FTO: variants seen among roughly 807,000 people sequenced by gnomAD.
FTO encodes alpha-ketoglutarate-dependent dioxygenase FTO.
In FTO, 47 loss-of-function variants were observed where a neutral mutation model predicts 63.9. The ratio of observed to expected loss-of-function variants is 0.74; its 90% confidence interval spans 0.58 to 0.94. The LOEUF is 0.94. Ranked by LOEUF, FTO falls within the 40% of genes least tolerant of loss-of-function variation. The pLI is 0.00. For synonymous variants in FTO, 207 were observed against 224.4 expected (o/e 0.92, Z 0.69); for missense variants, 562 against 618.1 (o/e 0.91, Z 0.96).
intron 1 of FTO, among the ~76,000 whole-genome samples, chr16:53,791,315 C>T (rs1333234759): frequency 1.3e-5 from 2 of 152,202 alleles, no homozygotes; most frequent in Non-Finnish European, 2.9e-5. Context: ...CAAGGTCACA[C>T]AGTAACCTTA....
intron 3 of FTO, among the ~76,000 whole-genome samples, chr16:53,834,791 G>T (rs757147694): frequency 1.3e-5 from 2 of 151,898 alleles, no homozygotes; most frequent in Non-Finnish European, 2.9e-5. Flanking sequence ...AATGCTTTTG[G>T]TAGTTGATAA....
intron 8 of FTO, among the ~76,000 whole-genome samples, chr16:53,960,179 G>A (rs375896109): frequency 1.3e-5 from 2 of 152,250 alleles, no homozygotes; most frequent in South Asian, 2.1e-4. Flanking sequence ...CATAGTTTGA[G>A]AGTCTCAAAA....
At chr16:53,951,484 C>T (rs531398921) in intron 8 of FTO, among the ~76,000 whole-genome samples, 3 of 152,158 alleles carry the variant, frequency 2.0e-5, no homozygotes, top group Non-Finnish European at 4.4e-5. Context: ...GTGAAATGTG[C>T]CAAGGCCTAG....
At chr16:53,786,716 G>T (rs546338783) in intron 1 of FTO, among the ~76,000 whole-genome samples, 1 of 152,210 alleles carries the variant, frequency 6.6e-6, no homozygotes, top group Admixed American at 6.5e-5. Context: ...CAAATAGCTG[G>T]TACCCTGAAG....
intron 8 of FTO, among the ~76,000 whole-genome samples, chr16:54,091,961 A>G (rs576816620): frequency 3.5e-4 from 54 of 152,336 alleles, no homozygotes; most frequent in African/African-American, 1.2e-3. Context: ...AAATGTTGGC[A>G]ATTAACAATT....
intron 8 of FTO, among the ~76,000 whole-genome samples, chr16:53,967,529 A>G (rs1177715184): frequency 2.0e-5 from 3 of 152,202 alleles, no homozygotes; most frequent in Non-Finnish European, 4.4e-5. Flanking sequence ...CAAAGTTTAC[A>G]TATAACCTAG....
At chr16:54,099,859 G>C (rs200296584) in intron 8 of FTO, among the ~76,000 whole-genome samples, 10 of 152,120 alleles carry the variant, frequency 6.6e-5, no homozygotes, top group African/African-American at 2.4e-4. Context: ...CCAAGTTGCC[G>C]CTCTACAGGA....
chr16:53,826,551 G>A (rs2095105590), intron 3 of FTO, 60 bp downstream of exon 3: 2 of 1,545,858 alleles, frequency 1.3e-6, no homozygotes, highest in Non-Finnish European at 8.9e-7. Context: ...GAGTTGTTTA[G>A]GCTCTGGAGA....
chr16:53,970,063 T>G (rs185984619), intron 8 of FTO, among the ~76,000 whole-genome samples: 1 of 152,280 alleles, frequency 6.6e-6, no homozygotes, highest in Non-Finnish European at 1.5e-5. Context: ...ATGGTTCTTT[T>G]GTTGATAAGA....
At chr16:53,776,825 A>G (rs886088906) in intron 1 of FTO, among the ~76,000 whole-genome samples, 14 of 152,174 alleles carry the variant, frequency 9.2e-5, no homozygotes, top group African/African-American at 2.4e-4. Flanking sequence ...CTGGCCTCAG[A>G]CATTAATGGA....
intron 8 of FTO, among the ~76,000 whole-genome samples, chr16:54,004,841 C>G (rs560435342): frequency 1.3e-5 from 2 of 151,908 alleles, no homozygotes; most frequent in African/African-American, 4.8e-5. Flanking sequence ...GAGGCTGAGG[C>G]GAGCGGATCA....
chr16:54,105,913 T>G (rs2144613089), intron 8 of FTO, among the ~76,000 whole-genome samples: 1 of 152,234 alleles, frequency 6.6e-6, no homozygotes, highest in South Asian at 2.1e-4. Flanking sequence ...TACCTGTCCT[T>G]TATTTGTTGC....
intron 8 of FTO, among the ~76,000 whole-genome samples, chr16:54,106,697 G>A (rs2086761078): frequency 7.5e-6 from 1 of 133,658 alleles, no homozygotes; most frequent in African/African-American, 2.8e-5. Context: ...TTATATAATT[G>A]TTACAATTGT....
intron 1 of FTO, among the ~76,000 whole-genome samples, chr16:53,709,438 C>T (rs913106788): frequency 1.3e-5 from 2 of 152,112 alleles, no homozygotes; most frequent in East Asian, 3.9e-4. Flanking sequence ...GGGATTCATA[C>T]CCCGTGCCTC....
At chr16:54,089,048 G>T (rs1423864121) in intron 8 of FTO, among the ~76,000 whole-genome samples, 1 of 152,122 alleles carries the variant, frequency 6.6e-6, no homozygotes, top group East Asian at 1.9e-4. Context: ...GTTTGAGGGC[G>T]AATTCCGTGA....
intron 6 of FTO, 36 bp from the exon 7 acceptor site, chr16:53,888,796 G>T (rs772769995): frequency 3.1e-6 from 5 of 1,612,538 alleles, no homozygotes; most frequent in Non-Finnish European, 4.2e-6. Flanking sequence ...TATCACAAGG[G>T]TATTAAAACC....
At chr16:54,006,804 A>G (rs9922202) in intron 8 of FTO, among the ~76,000 whole-genome samples, 37 of 152,342 alleles carry the variant, frequency 2.4e-4, no homozygotes, top group African/African-American at 8.9e-4. Flanking sequence ...ATGAAACTTA[A>G]TATATGTGTA....
intron 1 of FTO, among the ~76,000 whole-genome samples, chr16:53,773,221 G>A (rs145276473): frequency 1.3e-5 from 2 of 152,074 alleles, no homozygotes; most frequent in South Asian, 4.2e-4. Flanking sequence ...ATTTAGTTTG[G>A]GGAGCCCTCC....
intron 8 of FTO, among the ~76,000 whole-genome samples, chr16:54,018,384 T>TGATAGATAGATAGATAGATAGATAGATA (rs5816918): frequency 4.1e-4 from 38 of 93,458 alleles, no homozygotes; most frequent in Non-Finnish European, 5.7e-4. Flanking sequence ...GATAGATAGA[T>TGATAGATAGATAGATAGATAGATAGATA]GATAGATAGA....
Sources: allele counts gnomAD v4.1 joint callset (sites outside exome capture counted in the v4.1 genomes callset), GRCh38; gene constraint gnomAD v4.1.1; transcripts MANE v1.5; gene names NCBI Gene and HGNC (gene_info 2026-07-23, HGNC 2026-07-21).